ADAMTS12: variants seen among roughly 807,000 people sequenced by gnomAD.
ADAMTS12 encodes the protein ADAM metallopeptidase with thrombospondin type 1 motif 12, also known as A disintegrin and metalloproteinase with thrombospondin motifs 12.
ADAMTS12 carries 118 observed loss-of-function variants against 167.8 expected under a neutral mutation model. That is an observed-to-expected ratio of 0.70 (90% CI 0.61 to 0.82). The LOEUF is 0.82. ADAMTS12 is among the 40% of genes least tolerant of loss of function. ADAMTS12 has a pLI of 0.00. For missense variants in ADAMTS12, 1,916 were observed against 1,998.8 expected (o/e 0.96, Z 0.79); for synonymous variants, 704 against 716.9 (o/e 0.98, Z 0.29).
chr5:33,825,406 A>AT (rs1201542376), intron 2 of ADAMTS12, among the ~76,000 whole-genome samples: 4 of 152,194 alleles, frequency 2.6e-5, no homozygotes, highest in African/African-American at 9.6e-5. Flanking sequence ...ACTGAGCTGG[A>AT]TATATCATGT....
chr5:33,645,637 G>A (rs921884686), intron 9 of ADAMTS12, among the ~76,000 whole-genome samples: 2 of 152,100 alleles, frequency 1.3e-5, no homozygotes, highest in Non-Finnish European at 2.9e-5. Context: ...TAGAAAGGAT[G>A]ATGTGCTAGG....
chr5:33,694,406 T>C (rs1361013071), intron 3 of ADAMTS12, among the ~76,000 whole-genome samples: 1 of 152,232 alleles, frequency 6.6e-6, no homozygotes, highest in Non-Finnish European at 1.5e-5. Context: ...TGAGTTTTCA[T>C]TGATTTCTTG....
Position 33,762,217 on chromosome 5 carries a change from A to C in ADAMTS12, c.490-10669T>G, listed in dbSNP as rs998074063. Among the ~76,000 whole-genome samples, 19 of 144,810 alleles carry C rather than the reference A, an allele frequency of 1.3e-4. 1 individual carries two copies. The highest frequency in any genetic ancestry group is 1.3e-3 in the Admixed American group (18 of 14,276). ...TCTCAAAAAAATAATAAAAATAAAA[A>C]AATAAAAGAGGCTGGGCGCAGTGGC... On this transcript the variant is annotated intron_variant, in intron 2 of 23. Transcript: ENST00000504830.
chr5:33,766,864 T>C (rs1422436761), intron 2 of ADAMTS12, among the ~76,000 whole-genome samples: 1 of 152,168 alleles, frequency 6.6e-6, no homozygotes, highest in Non-Finnish European at 1.5e-5. Context: ...AAGTGAGGAC[T>C]GCATCTGTCT....
chr5:33,674,732 G>T (rs1741838199), intron 5 of ADAMTS12, among the ~76,000 whole-genome samples: 1 of 152,102 alleles, frequency 6.6e-6, no homozygotes, highest in Non-Finnish European at 1.5e-5. Flanking sequence ...GAGCAATAAA[G>T]TCCTTTGTCT....
intron 3 of ADAMTS12, among the ~76,000 whole-genome samples, chr5:33,700,136 G>A (rs1235634892): frequency 6.6e-6 from 1 of 152,184 alleles, no homozygotes; most frequent in Non-Finnish European, 1.5e-5. Flanking sequence ...TTAACAAACA[G>A]TTTGGCAGTA....
chr5:33,864,422 C>T (rs1015404908), intron 2 of ADAMTS12, among the ~76,000 whole-genome samples: 2 of 152,188 alleles, frequency 1.3e-5, no homozygotes, highest in African/African-American at 4.8e-5. Context: ...TTGTGGAAGA[C>T]AGTGTGGTGA....
intron 16 of ADAMTS12, among the ~76,000 whole-genome samples, chr5:33,600,297 A>G (rs1738124624): frequency 5.2e-4 from 1 of 1,906 alleles, no homozygotes; most frequent in Non-Finnish European, 0.019. Context: ...AAGTGCCTTT[A>G]AAAGAACGTC....
At chr5:33,835,544 G>T (rs1403056283) in intron 2 of ADAMTS12, among the ~76,000 whole-genome samples, 1 of 152,188 alleles carries the variant, frequency 6.6e-6, no homozygotes, top group Non-Finnish European at 1.5e-5. Flanking sequence ...GCGAGGGCCT[G>T]TCTCCTAGTT....
chr5:33,529,115 TC>T (rs1167053362), intron 23 of ADAMTS12, among the ~76,000 whole-genome samples: 3 of 152,182 alleles, frequency 2.0e-5, no homozygotes, highest in Non-Finnish European at 2.9e-5. Context: ...TAAACTGTGA[TC>T]CCCGCCCTGC....
At chr5:33,855,618 T>C (rs1245254990) in intron 2 of ADAMTS12, among the ~76,000 whole-genome samples, 1 of 152,268 alleles carries the variant, frequency 6.6e-6, no homozygotes. Flanking sequence ...ACTGGGTTTA[T>C]ATTTCAGCAG....
In ADAMTS12 at chr5:33,585,841, T is replaced by C. The variant is rs200624135; in HGVS notation, c.2865+2758A>G. Among the ~76,000 whole-genome samples the C allele has an allele frequency of 3.7e-4, 56 of 152,272 alleles. No individual in the cohort carries two copies. The East Asian group carries it at 0.01, about 28-fold the overall frequency. The stretch of plus-strand genomic sequence containing the variant: ...CAGCAGGGGAGAGAGCTCCCCTTTC[T>C]GATCCCTGCTGGGACAGGGATGAGT... On this transcript the variant is annotated intron_variant, in intron 18 of 23. Transcript: ENST00000504830.
At position 33,891,830 on chromosome 5, in the gene ADAMTS12, A is replaced by C. The variant is rs1750870028; in HGVS notation, c.27T>G (p.Leu9=). The C allele has an allele frequency of 6.2e-7, 1 of 1,614,226 alleles. No individual in the cohort carries two copies. The highest frequency in any genetic ancestry group is 8.5e-7 in the Non-Finnish European group (1 of 1,180,032). The change falls in exon 1 of 24, where the codon CTT becomes CTG. Residue 9 remains leucine (L), a synonymous_variant. Transcript: ENST00000504830. The part of the protein sequence containing the change: MPCAQRSW[L]ANLSVVAQLL... ...GCTGAGCCACCACGGAAAGGTTTGCAAGCCAGCTCCTCTGGGCACATGGCA... is the reference window on the plus strand; with the variant it reads ...GCTGAGCCACCACGGAAAGGTTTGCCAGCCAGCTCCTCTGGGCACATGGCA...
At chr5:33,778,474 A>G (rs758143243) in intron 2 of ADAMTS12, among the ~76,000 whole-genome samples, 7 of 150,546 alleles carry the variant, frequency 4.6e-5, no homozygotes, top group Admixed American at 1.3e-4. Context: ...ATGCACATTC[A>G]GATGAATAAA....
At chr5:33,877,312 G>T (rs955705924) in intron 2 of ADAMTS12, among the ~76,000 whole-genome samples, 2 of 152,154 alleles carry the variant, frequency 1.3e-5, no homozygotes, top group African/African-American at 2.4e-5. Context: ...GAATTAGAAC[G>T]CCCTTTGAAA....
intron 2 of ADAMTS12, among the ~76,000 whole-genome samples, chr5:33,801,283 C>G (rs10065539): frequency 1.3e-5 from 2 of 152,182 alleles, no homozygotes; most frequent in Non-Finnish European, 2.9e-5. Context: ...GAAACTGATA[C>G]AGGTGGGTAG....
intron 3 of ADAMTS12, among the ~76,000 whole-genome samples, chr5:33,689,381 A>T (rs34913729): frequency 0.23 from 33,959 of 149,030 alleles, 3,983 homozygotes; most frequent in East Asian, 0.42. Context: ...GCCTAATAAA[A>T]TTTCAGCATG....
chr5:33,643,337 C>A lies in ADAMTS12; in HGVS notation c.1572+41G>T, dbSNP rs763272361. ...TCCTCAGCTCCTCCCAAGAACTCTG[C>A]CCACCGCCCTCCCACCTCATTCCTC... is the stretch of plus-strand genomic sequence containing the variant. On this transcript the variant is annotated intron_variant, in intron 10 of 23. Coordinates refer to ENST00000504830, the MANE Select transcript of ADAMTS12 (RefSeq NM_030955.4). The A allele has an allele frequency of 7.5e-6, 12 of 1,603,950 alleles. No individual in the cohort carries two copies. The Admixed American group carries it at 1.2e-4, about 16-fold the overall frequency.
intron 3 of ADAMTS12, among the ~76,000 whole-genome samples, chr5:33,720,313 C>CACAA (rs1554037782): frequency 6.6e-6 from 1 of 150,844 alleles, no homozygotes; most frequent in African/African-American, 2.5e-5. Flanking sequence ...CACACACACA[C>CACAA]GATTGCCAAT....
Sources: allele counts gnomAD v4.1 joint callset (sites outside exome capture counted in the v4.1 genomes callset), GRCh38; gene constraint gnomAD v4.1.1; transcripts MANE v1.5; gene names NCBI Gene and HGNC (gene_info 2026-07-23, HGNC 2026-07-21).